NFIB: variants seen among roughly 807,000 people sequenced by gnomAD.
The protein encoded by NFIB is nuclear factor 1 B-type.
Under a neutral mutation model 61.5 loss-of-function variants are expected in NFIB, and 11 were observed. That is an observed-to-expected ratio of 0.18 (90% CI 0.11 to 0.30). The LOEUF (loss-of-function observed/expected upper bound fraction) is 0.30, where lower values mean the gene tolerates loss of function less well. Among genes scored for constraint, NFIB ranks in the 10% least tolerant of loss-of-function variants. The pLI is 1.00. For missense variants in NFIB, 471 were observed against 608.9 expected (o/e 0.77, Z 2.38); for synonymous variants, 260 against 216.5 (o/e 1.20, Z -1.76).
chr9:14,365,952 G>A (rs2061295135), intron 1 of NFIB, among the ~76,000 whole-genome samples: 1 of 152,140 alleles, frequency 6.6e-6, no homozygotes, highest in Non-Finnish European at 1.5e-5. Flanking sequence ...TGTGGGCTTA[G>A]GGATCAGTTT....
chr9:14,211,986 T>TG (rs1342837841), intron 2 of NFIB, among the ~76,000 whole-genome samples: 1 of 152,240 alleles, frequency 6.6e-6, no homozygotes, highest in Non-Finnish European at 1.5e-5. Context: ...TATTGGTAGC[T>TG]GCAATTTAGC....
intron 2 of NFIB, among the ~76,000 whole-genome samples, chr9:14,221,028 G>A (rs1401029724): frequency 1.3e-5 from 2 of 152,070 alleles, no homozygotes; most frequent in Non-Finnish European, 2.9e-5. Context: ...TCAGCAGCAA[G>A]ATACTAAACT....
chr9:14,499,035 TGTGC>T, the NFIB span, among the ~76,000 whole-genome samples: 3 of 151,770 alleles, frequency 2.0e-5, no homozygotes, highest in African/African-American at 7.3e-5. Context: ...CACGTGTGTG[TGTGC>T]ACGTGTGTAC....
intron 2 of NFIB, among the ~76,000 whole-genome samples, chr9:14,221,729 C>T (rs1043116059): frequency 6.6e-6 from 1 of 152,196 alleles, no homozygotes; most frequent in African/African-American, 2.4e-5. Context: ...GCCAAGCTGG[C>T]CCCAGCCTCC....
At chr9:14,288,972 T>C (rs10733279) in intron 2 of NFIB, among the ~76,000 whole-genome samples, 126,068 of 151,352 alleles carry the variant, frequency 0.83, 53,712 homozygotes, top group Non-Finnish European at 0.93. Context: ...TTTGACTATA[T>C]GATGATACAT....
chr9:14,407,961 A>G, the NFIB span, among the ~76,000 whole-genome samples: 1 of 152,236 alleles, frequency 6.6e-6, no homozygotes, highest in Non-Finnish European at 1.5e-5. Flanking sequence ...CCCGGGGGTT[A>G]CAGGCATGAG....
intron 10 of NFIB, among the ~76,000 whole-genome samples, chr9:14,103,251 G>A (rs1180720226): frequency 1.3e-5 from 2 of 151,312 alleles, no homozygotes; most frequent in African/African-American, 4.9e-5. Context: ...ATCCAGCTCT[G>A]CTTGGTTAAC....
At chr9:14,239,026 A>C (rs890586341) in intron 2 of NFIB, among the ~76,000 whole-genome samples, 1 of 152,246 alleles carries the variant, frequency 6.6e-6, no homozygotes, top group African/African-American at 2.4e-5. Flanking sequence ...TATGTTATAC[A>C]ATATAGTTTA....
chr9:14,146,597 T>C (rs1309277790), intron 6 of NFIB, 92 bp downstream of exon 6: 3 of 1,540,914 alleles, frequency 1.9e-6, no homozygotes, highest in East Asian at 4.5e-5. Context: ...ACAATCCATA[T>C]TGGTTTAATT....
At chr9:14,167,014 T>C (rs1484964177) in intron 3 of NFIB, among the ~76,000 whole-genome samples, 1 of 149,314 alleles carries the variant, frequency 6.7e-6, no homozygotes, top group Non-Finnish European at 1.5e-5. Context: ...CTCGTGGTTC[T>C]TGATCATATC....
the NFIB span, among the ~76,000 whole-genome samples, chr9:14,453,879 G>A: frequency 6.6e-6 from 1 of 151,606 alleles, no homozygotes; most frequent in Non-Finnish European, 1.5e-5. Context: ...TCAGGAGATC[G>A]AGACCACCCT....
At chr9:14,432,018 A>C in the NFIB span, among the ~76,000 whole-genome samples, 2 of 152,144 alleles carry the variant, frequency 1.3e-5, 1 homozygote, top group Non-Finnish European at 2.9e-5. Context: ...GAGACAACTG[A>C]GGTGTCTCTG....
intron 1 of NFIB, among the ~76,000 whole-genome samples, chr9:14,353,851 G>GT (rs1448503923): frequency 1.5e-5 from 2 of 132,800 alleles, no homozygotes; most frequent in Non-Finnish European, 1.6e-5. Flanking sequence ...GAGGGGTTTT[G>GT]TCTTTTTTTT....
At chr9:14,347,756 C>A (rs1241042403) in intron 1 of NFIB, among the ~76,000 whole-genome samples, 1 of 151,988 alleles carries the variant, frequency 6.6e-6, no homozygotes, top group African/African-American at 2.4e-5. Context: ...AGGAGTTCCG[C>A]GGTTTTTTTT....
intron 2 of NFIB, among the ~76,000 whole-genome samples, chr9:14,218,919 T>G (rs1039335724): frequency 2.0e-5 from 3 of 152,188 alleles, no homozygotes; most frequent in Admixed American, 2.0e-4. Context: ...AAGTACCACA[T>G]GGAGAAACAC....
At chr9:14,146,116 C>A (rs927851116) in intron 6 of NFIB, among the ~76,000 whole-genome samples, 5 of 152,066 alleles carry the variant, frequency 3.3e-5, no homozygotes, top group Non-Finnish European at 7.4e-5. Context: ...GGTCTCAATA[C>A]CCATTTCTTA....
chr9:14,270,737 A>G (rs560532551), intron 2 of NFIB, among the ~76,000 whole-genome samples: 1 of 152,282 alleles, frequency 6.6e-6, no homozygotes, highest in South Asian at 2.1e-4. Context: ...TTTAATAAGT[A>G]GGGAATGCTC....
chr9:14,425,913 T>C, the NFIB span, among the ~76,000 whole-genome samples: 1 of 152,186 alleles, frequency 6.6e-6, no homozygotes, highest in African/African-American at 2.4e-5. Flanking sequence ...ACCTCACCTA[T>C]GGATTCCTTT....
intron 1 of NFIB, among the ~76,000 whole-genome samples, chr9:14,373,321 C>A (rs2061379976): frequency 6.6e-6 from 1 of 152,154 alleles, no homozygotes; most frequent in African/African-American, 2.4e-5. Flanking sequence ...TTCCCAAATC[C>A]TCTTATATGC....
Sources: gnomAD v4.1 joint callset for allele counts (sites outside exome capture counted in the v4.1 genomes callset) on GRCh38, gnomAD v4.1.1 for gene constraint, MANE v1.5 for transcripts, NCBI Gene and HGNC (gene_info 2026-07-23, HGNC 2026-07-21) for gene names.